The following CERKL variants were observed in gnomAD, a reference collection of about 807,000 sequenced individuals.
CERKL encodes ceramide kinase-like protein.
In CERKL, 61 loss-of-function variants were observed where a neutral mutation model predicts 63.4. The ratio of observed to expected loss-of-function variants is 0.96; its 90% CI spans 0.78 to 1.19. The LOEUF (loss-of-function observed/expected upper bound fraction) is 1.19, where lower values mean the gene tolerates loss of function less well. CERKL is among the 50% of genes most tolerant of loss of function. CERKL has a pLI of 0.00. For missense variants in CERKL, 675 were observed against 655.5 expected (o/e 1.03, Z -0.33); for synonymous variants, 250 against 230.5 (o/e 1.08, Z -0.77).
At chr2:181,566,428 T>A (rs910451221) in intron 3 of CERKL, among the ~76,000 whole-genome samples, 1 of 152,176 alleles carries the variant, frequency 6.6e-6, no homozygotes, top group Non-Finnish European at 1.5e-5. Flanking sequence ...ATAAGACACA[T>A]GTCCTTTAAA....
At chr2:181,578,193 C>T (rs1302617701) in intron 2 of CERKL, among the ~76,000 whole-genome samples, 1 of 151,954 alleles carries the variant, frequency 6.6e-6, no homozygotes, top group African/African-American at 2.4e-5. Context: ...TATATATACA[C>T]ACACGTATAT....
chr2:181,575,806 T>G (rs1232406656), intron 2 of CERKL, among the ~76,000 whole-genome samples: 1 of 152,118 alleles, frequency 6.6e-6, no homozygotes, highest in Non-Finnish European at 1.5e-5. Flanking sequence ...CCTTCCTTTG[T>G]TCAGACAGTT....
intron 12 of CERKL, among the ~76,000 whole-genome samples, chr2:181,538,719 T>C (rs769800327): frequency 3.0e-4 from 45 of 152,132 alleles, no homozygotes; most frequent in Admixed American, 1.9e-3. Flanking sequence ...GAAACTAAGA[T>C]GGAAGGATAA....
intron 11 of CERKL, among the ~76,000 whole-genome samples, chr2:181,541,569 T>C (rs893654670): frequency 1.2e-4 from 18 of 152,262 alleles, no homozygotes; most frequent in Non-Finnish European, 2.2e-4. Context: ...AGAAAGGCAC[T>C]GAAGAATTAA....
intron 1 of CERKL, among the ~76,000 whole-genome samples, chr2:181,643,759 T>C (rs1687548917): frequency 6.6e-6 from 1 of 152,234 alleles, no homozygotes; most frequent in East Asian, 1.9e-4. Flanking sequence ...GATCCCTAAA[T>C]TGATCACTCT....
chr2:181,619,255 G>C (rs1386255703), intron 1 of CERKL, among the ~76,000 whole-genome samples: 3 of 151,948 alleles, frequency 2.0e-5, no homozygotes, highest in African/African-American at 7.3e-5. Context: ...TATAGGGTTG[G>C]GGGAGGTCTC....
At chr2:181,587,392 TA>T (rs1449271237) in intron 2 of CERKL, among the ~76,000 whole-genome samples, 4 of 152,164 alleles carry the variant, frequency 2.6e-5, no homozygotes, top group African/African-American at 9.7e-5. Flanking sequence ...ATAAAAGAGC[TA>T]AGACTATTTA....
At chr2:181,656,274 G>A (rs1321029121) in intron 1 of CERKL, among the ~76,000 whole-genome samples, 2 of 152,148 alleles carry the variant, frequency 1.3e-5, no homozygotes, top group Non-Finnish European at 2.9e-5. Context: ...CCAAAGCTCT[G>A]GAGTTACATT....
intron 2 of CERKL, among the ~76,000 whole-genome samples, chr2:181,592,198 CTT>C (rs1377270375): frequency 6.6e-6 from 1 of 152,134 alleles, no homozygotes; most frequent in Non-Finnish European, 1.5e-5. Flanking sequence ...TCATCTTTCT[CTT>C]TCTCTCTCTT....
intron 1 of CERKL, among the ~76,000 whole-genome samples, chr2:181,643,008 G>C (rs146702209): frequency 1.1e-3 from 168 of 152,216 alleles, no homozygotes; most frequent in African/African-American, 4.0e-3. Context: ...CGAGCAAAGG[G>C]CTTTGACTTA....
intron 5 of CERKL, among the ~76,000 whole-genome samples, chr2:181,556,870 A>G (rs1046104011): frequency 2.0e-5 from 3 of 152,198 alleles, no homozygotes; most frequent in African/African-American, 7.2e-5. Context: ...ATAGTGTAAA[A>G]GTGTTCCTAT....
Position 181,536,823 on chromosome 2 carries a change from A to G in CERKL, c.*1361T>C, listed in dbSNP as rs980364044. ...ATGATCTAGATAATTGCAGAATATC[A>G]TTTTATCTGACTCTGCCTTCATAAG... On this transcript the variant is annotated 3_prime_UTR_variant, in exon 13 of 13. Coordinates refer to ENST00000410087, the MANE Select transcript of CERKL (RefSeq NM_201548.5). 2.6e-5 allele frequency: 9 copies of G among 340,510 alleles called. No individual in the cohort carries two copies. Among genetic ancestry groups the G allele is most frequent in the African/African-American group, 1.5e-4 (7 of 46,424 alleles). 21.1% of individuals were successfully genotyped at this position (340,510 alleles called of 1,614,324 possible). A position where few individuals can be genotyped will look rare whatever the true frequency, so the allele number is the denominator to read the frequency against.
chr2:181,547,246 T>A (rs1425528042), intron 10 of CERKL, among the ~76,000 whole-genome samples: 1 of 152,170 alleles, frequency 6.6e-6, no homozygotes, highest in Non-Finnish European at 1.5e-5. Context: ...ATGTGTGATT[T>A]TCATGCTAAG....
intron 1 of CERKL, among the ~76,000 whole-genome samples, chr2:181,627,394 T>C (rs538811895): frequency 2.3e-4 from 35 of 152,282 alleles, no homozygotes; most frequent in African/African-American, 8.2e-4. Flanking sequence ...AATGAAAAGA[T>C]ATCATTGAAA....
At chr2:181,582,570 C>T (rs998888664) in intron 2 of CERKL, among the ~76,000 whole-genome samples, 2 of 147,826 alleles carry the variant, frequency 1.4e-5, no homozygotes, top group African/African-American at 5.0e-5. Flanking sequence ...CTCGCTCTGT[C>T]ACCCAGGCTG....
intron 2 of CERKL, among the ~76,000 whole-genome samples, chr2:181,574,486 G>A (rs1040740626): frequency 6.6e-6 from 1 of 152,194 alleles, no homozygotes; most frequent in African/African-American, 2.4e-5. Flanking sequence ...AACTCTTTTG[G>A]GAATTGGGAA....
At chr2:181,609,533 T>TAAAAAAAAAAAAAAAAAAA (rs869037405) in intron 1 of CERKL, among the ~76,000 whole-genome samples, 4 of 70,230 alleles carry the variant, frequency 5.7e-5, no homozygotes, top group Admixed American at 1.8e-4. Flanking sequence ...CTGTCTCTAC[T>TAAAAAAAAAAAAAAAAAAA]AAAAAAAAAA....
At chr2:181,637,664 A>T (rs1338124470) in intron 1 of CERKL, among the ~76,000 whole-genome samples, 1 of 152,202 alleles carries the variant, frequency 6.6e-6, no homozygotes. Flanking sequence ...CATAGAAGGG[A>T]AACATAAAAG....
chr2:181,646,871 A>G (rs978199082), intron 1 of CERKL, among the ~76,000 whole-genome samples: 2 of 152,240 alleles, frequency 1.3e-5, no homozygotes, highest in Non-Finnish European at 2.9e-5. Context: ...AGAATAATTA[A>G]GAGGTGAACT....
Sources: gnomAD v4.1 joint callset for allele counts (sites outside exome capture counted in the v4.1 genomes callset) on GRCh38, gnomAD v4.1.1 for gene constraint, MANE v1.5 for transcripts, NCBI Gene and HGNC (gene_info 2026-07-23, HGNC 2026-07-21) for gene names.